COPG2: variants seen among roughly 807,000 people sequenced by gnomAD.
The protein encoded by COPG2 is coat protein complex I subunit gamma 2.
In COPG2, 37 loss-of-function variants were observed where a neutral mutation model predicts 46.3. The ratio of observed to expected loss-of-function variants is 0.80; its 90% confidence interval spans 0.61 to 1.05. COPG2 has a LOEUF of 1.05. Ranked by LOEUF, COPG2 falls within the 50% of genes least tolerant of loss-of-function variation. The pLI, the probability that COPG2 is intolerant of heterozygous loss-of-function variation, is 0.00. For missense variants in COPG2, 427 were observed against 387.8 expected (o/e 1.10, Z -0.85); for synonymous variants, 159 against 129.7 (o/e 1.23, Z -1.53).
chr7:130,625,190 T>A (rs1027487957), intron 5 of COPG2, among the ~76,000 whole-genome samples: 2 of 152,212 alleles, frequency 1.3e-5, no homozygotes, highest in African/African-American at 4.8e-5. Flanking sequence ...TTTCATATGT[T>A]TGTTGGCTGT....
At chr7:130,610,657 T>A (rs1554451901) in intron 9 of COPG2, 1 of 562,354 alleles carries the variant, frequency 1.8e-6, no homozygotes, top group Admixed American at 2.1e-5. Context: ...TAATTCTTAA[T>A]GTCCCTGCCA....
chr7:130,656,217 T>G (rs1440762179), intron 4 of COPG2, among the ~76,000 whole-genome samples: 3 of 151,974 alleles, frequency 2.0e-5, no homozygotes, highest in African/African-American at 7.2e-5. Context: ...CTTTTTTTTT[T>G]CTTTTCGCAC....
At chr7:130,574,467 T>C (rs1463916123) in intron 9 of COPG2, among the ~76,000 whole-genome samples, 1 of 152,058 alleles carries the variant, frequency 6.6e-6, no homozygotes. Flanking sequence ...GTTTGGCTCA[T>C]AGGAAGCCAC....
intron 20 of COPG2, among the ~76,000 whole-genome samples, chr7:130,526,872 A>T: frequency 1.2e-5 from 1 of 82,126 alleles, no homozygotes; most frequent in Non-Finnish European, 2.3e-5. Flanking sequence ...TGGGTTTGGG[A>T]TGGGGTTTGG....
At chr7:130,536,435 A>T (rs1799880385) in intron 20 of COPG2, among the ~76,000 whole-genome samples, 1 of 152,298 alleles carries the variant, frequency 6.6e-6, no homozygotes, top group Admixed American at 6.5e-5. Flanking sequence ...CTATCCAATC[A>T]TCAGAGGGGT....
rs900943328 is a variant in COPG2 at position 130,532,356 on chromosome 7, C to G, written c.2149+15318G>C. On this transcript the variant is annotated intron_variant, in intron 20 of 23. Transcript: ENST00000425248. ...TGTGGGCTGTGCGGGTGAGAGCAGA[C>G]AGCAGGGGATCTGTTGTCATGGGGA... 1.6e-4 allele frequency among the ~76,000 whole-genome samples: 24 copies of G among 152,168 alleles called. 1 individual carries two copies. The highest frequency in any genetic ancestry group is 3.9e-4 in the East Asian group (2 of 5,174).
At chr7:130,613,730 A>C in intron 6 of COPG2, 94 bp from the exon 7 acceptor site, 1 of 808,716 alleles carries the variant, frequency 1.2e-6, no homozygotes. Context: ...AACCAATCTT[A>C]TATTTGTTTC....
At chr7:130,541,230 G>A (rs1799933551) in intron 20 of COPG2, among the ~76,000 whole-genome samples, 1 of 152,192 alleles carries the variant, frequency 6.6e-6, no homozygotes, top group African/African-American at 2.4e-5. Context: ...GTTTTCCAAT[G>A]CCTCGGTCCC....
chr7:130,596,309 T>G (rs1794525575), intron 9 of COPG2, among the ~76,000 whole-genome samples: 1 of 152,236 alleles, frequency 6.6e-6, no homozygotes, highest in African/African-American at 2.4e-5. Flanking sequence ...TTCCTCATAC[T>G]TCACACAAAA....
intron 5 of COPG2, among the ~76,000 whole-genome samples, chr7:130,640,231 G>A (rs1554457010): frequency 9.0e-6 from 1 of 110,778 alleles, no homozygotes; most frequent in African/African-American, 3.5e-5. Flanking sequence ...AGTCTCTATT[G>A]ACCACACCTA....
chr7:130,620,198 TTTC>T (rs1186178937), intron 5 of COPG2, among the ~76,000 whole-genome samples: 1 of 152,186 alleles, frequency 6.6e-6, no homozygotes, highest in East Asian at 1.9e-4. Flanking sequence ...CTTAAATTTT[TTTC>T]TTTTAGTTCA....
chr7:130,513,305 AAAAATATATATATATATATATAT>A (rs1192183741), intron 20 of COPG2, among the ~76,000 whole-genome samples: 1 of 50,040 alleles, frequency 2.0e-5, no homozygotes, highest in Non-Finnish European at 3.5e-5. Flanking sequence ...AAAAAAAAAA[AAAAATATATATATATATATATAT>A]ATATATATAT....
At chr7:130,576,973 T>C (rs1554446306) in intron 9 of COPG2, among the ~76,000 whole-genome samples, 2 of 152,128 alleles carry the variant, frequency 1.3e-5, no homozygotes, top group Non-Finnish European at 2.9e-5. Flanking sequence ...CATTCAAACC[T>C]ACAATGAACA....
intron 20 of COPG2, among the ~76,000 whole-genome samples, chr7:130,543,238 A>C (rs1793372117): frequency 6.6e-6 from 1 of 152,190 alleles, no homozygotes; most frequent in Non-Finnish European, 1.5e-5. Context: ...AATGAGAAGG[A>C]AGTATTACTC....
chr7:130,664,044 T>C (rs782725055), intron 3 of COPG2, among the ~76,000 whole-genome samples: 9 of 152,114 alleles, frequency 5.9e-5, no homozygotes, highest in Non-Finnish European at 1.2e-4. Flanking sequence ...TGGCCTGAGA[T>C]TTGGCATTTC....
At chr7:130,508,072 C>G (rs1252801534) in intron 21 of COPG2, 2 of 420,294 alleles carry the variant, frequency 4.8e-6, no homozygotes, top group Non-Finnish European at 8.5e-6. Context: ...TGCACCCACA[C>G]TTGACCACTG....
chr7:130,599,839 G>GCTA (rs1419531351), intron 9 of COPG2, among the ~76,000 whole-genome samples: 15 of 152,118 alleles, frequency 9.9e-5, no homozygotes, highest in Non-Finnish European at 2.9e-5. Context: ...AAAGAAATGT[G>GCTA]CTACTTCCTA....
intron 7 of COPG2, among the ~76,000 whole-genome samples, chr7:130,612,914 G>C (rs2116506868): frequency 6.6e-6 from 1 of 152,234 alleles, no homozygotes; most frequent in South Asian, 2.1e-4. Flanking sequence ...GATTTTAAAT[G>C]AAAGAAAAGG....
chr7:130,520,394 T>A (rs1296834109), intron 20 of COPG2, among the ~76,000 whole-genome samples: 3 of 152,148 alleles, frequency 2.0e-5, no homozygotes, highest in Admixed American at 2.0e-4. Flanking sequence ...TAGTCTGGGT[T>A]TGGAATATGC....
Sources: gnomAD v4.1 joint callset for allele counts (sites outside exome capture counted in the v4.1 genomes callset) on GRCh38, gnomAD v4.1.1 for gene constraint, MANE v1.5 for transcripts, NCBI Gene and HGNC (gene_info 2026-07-23, HGNC 2026-07-21) for gene names.